Variants in IL1RAPL2 observed in about 807,000 individuals in gnomAD.
IL1RAPL2 encodes the protein interleukin 1 receptor accessory protein like 2, also known as X-linked interleukin-1 receptor accessory protein-like 2.
IL1RAPL2 carries 3 observed loss-of-function variants against 44.1 expected under a neutral mutation model. The ratio of observed to expected loss-of-function variants is 0.07; its 90% CI spans 0.03 to 0.18. The LOEUF (loss-of-function observed/expected upper bound fraction) is 0.18, where lower values mean the gene tolerates loss of function less well. IL1RAPL2 is among the 10% of genes least tolerant of loss of function. IL1RAPL2 has a pLI of 1.00. For synonymous variants in IL1RAPL2, 181 were observed against 178.8 expected, an observed-to-expected ratio of 1.01 and a Z score of -0.10; for missense variants, 391 against 496.4, an observed-to-expected ratio of 0.79 and a Z score of 2.02.
chrX:104,846,341 C>A (rs916585959), intron 2 of IL1RAPL2, among the ~76,000 whole-genome samples: 1 of 109,703 alleles, frequency 9.1e-6, no homozygotes, highest in African/African-American at 3.3e-5. Flanking sequence ...TGCTATCCCT[C>A]CCCCCTCTCC....
intron 6 of IL1RAPL2, among the ~76,000 whole-genome samples, chrX:105,609,049 A>C (rs1312480066): frequency 9.0e-6 from 1 of 111,454 alleles, no homozygotes; most frequent in East Asian, 2.8e-4. Flanking sequence ...CTTGTGCCAT[A>C]ATCTCTTTGT....
chrX:105,748,151 T>C (rs1248304963), intron 8 of IL1RAPL2, among the ~76,000 whole-genome samples: 1 of 111,647 alleles, frequency 9.0e-6, no homozygotes, highest in African/African-American at 3.3e-5. Flanking sequence ...ACTGATTAAC[T>C]ACAGGTTAAG....
chrX:105,249,480 T>G (rs2034251398), intron 4 of IL1RAPL2, among the ~76,000 whole-genome samples: 1 of 111,657 alleles, frequency 9.0e-6, no homozygotes, highest in African/African-American at 3.2e-5. Flanking sequence ...TTTTCCATTT[T>G]AAAATAAAAA....
At chrX:104,948,670 G>A (rs770986910) in intron 2 of IL1RAPL2, among the ~76,000 whole-genome samples, 1 of 111,378 alleles carries the variant, frequency 9.0e-6, no homozygotes, top group Non-Finnish European at 1.9e-5. Context: ...CATCTATTGA[G>A]ATAATCATGT....
intron 2 of IL1RAPL2, among the ~76,000 whole-genome samples, chrX:105,118,494 T>C (rs1011721834): frequency 2.7e-5 from 3 of 112,313 alleles, no homozygotes; most frequent in African/African-American, 6.5e-5. Context: ...TAGGATTAAA[T>C]TTATTCCAAA....
intron 2 of IL1RAPL2, among the ~76,000 whole-genome samples, chrX:105,087,926 T>C (rs2032498112): frequency 8.9e-6 from 1 of 112,473 alleles, no homozygotes; most frequent in South Asian, 3.7e-4. Context: ...TTGGCACTTC[T>C]GCCTATGTGG....
intron 2 of IL1RAPL2, among the ~76,000 whole-genome samples, chrX:105,078,729 A>G (rs866784995): frequency 0.01 from 3 of 288 alleles, no homozygotes; most frequent in Non-Finnish European, 0.02. Context: ...AGCCTGAGCA[A>G]TGCGGTCGCC....
intron 2 of IL1RAPL2, among the ~76,000 whole-genome samples, chrX:104,720,203 A>T (rs1931650249): frequency 9.0e-6 from 1 of 111,566 alleles, no homozygotes; most frequent in Non-Finnish European, 1.9e-5. Flanking sequence ...TACCATAGGC[A>T]TATCTGTCAC....
intron 2 of IL1RAPL2, among the ~76,000 whole-genome samples, chrX:104,977,705 A>G (rs2030364517): frequency 8.9e-6 from 1 of 112,176 alleles, no homozygotes; most frequent in African/African-American, 3.2e-5. Context: ...GTGGTGTTAG[A>G]CAACAACTTT....
At chrX:105,306,313 A>G (rs1262128905) in intron 5 of IL1RAPL2, among the ~76,000 whole-genome samples, 1 of 111,489 alleles carries the variant, frequency 9.0e-6, no homozygotes, top group Non-Finnish European at 1.9e-5. Flanking sequence ...TTCCCAAGAA[A>G]AGGAGAGTAT....
At chrX:105,748,880 A>G in intron 8 of IL1RAPL2, 80 bp from the exon 9 acceptor site, 3 of 1,001,080 alleles carry the variant, frequency 3.0e-6, no homozygotes, top group Admixed American at 2.4e-5. Context: ...ATGTTAGTAC[A>G]TCTTATATAC....
intron 2 of IL1RAPL2, among the ~76,000 whole-genome samples, chrX:104,713,878 G>A (rs865958020): frequency 3.6e-5 from 4 of 110,787 alleles, no homozygotes; most frequent in African/African-American, 1.3e-4. Flanking sequence ...TAATTACCTG[G>A]CTTTGCCTAA....
At chrX:104,831,568 T>G (rs1921607832) in intron 2 of IL1RAPL2, among the ~76,000 whole-genome samples, 1 of 111,947 alleles carries the variant, frequency 8.9e-6, no homozygotes, top group Admixed American at 9.5e-5. Flanking sequence ...CCTATGAGTT[T>G]CAGCATTATA....
At chrX:104,826,456 G>A (rs1393866995) in intron 2 of IL1RAPL2, among the ~76,000 whole-genome samples, 1 of 111,816 alleles carries the variant, frequency 8.9e-6, no homozygotes. Flanking sequence ...GTTCTAATTT[G>A]ATTGCACTGT....
At chrX:105,260,520 C>T (rs930791797) in intron 4 of IL1RAPL2, among the ~76,000 whole-genome samples, 2 of 111,969 alleles carry the variant, frequency 1.8e-5, no homozygotes, top group Non-Finnish European at 3.8e-5. Context: ...ATGGCTAGGT[C>T]ACCCAAACAG....
intron 2 of IL1RAPL2, among the ~76,000 whole-genome samples, chrX:104,957,199 G>A (rs2029918547): frequency 2.7e-5 from 3 of 112,558 alleles, no homozygotes; most frequent in African/African-American, 9.7e-5. Flanking sequence ...CTGAAATGGT[G>A]TATGCTAAAG....
intron 5 of IL1RAPL2, among the ~76,000 whole-genome samples, chrX:105,450,010 G>A (rs1247068460): frequency 8.9e-6 from 1 of 111,893 alleles, no homozygotes; most frequent in Non-Finnish European, 1.9e-5. Context: ...GGCATGTCCA[G>A]AGATGCTATT....
intron 8 of IL1RAPL2, among the ~76,000 whole-genome samples, chrX:105,747,448 T>TTCTCTCTCTCTCTC (rs746410456): frequency 1.2e-5 from 1 of 84,654 alleles, no homozygotes; most frequent in Non-Finnish European, 2.3e-5. Flanking sequence ...TGATTGGCTG[T>TTCTCTCTCTCTCTC]TCTCTCTCTC....
chrX:105,708,573 C>A (rs2038183521), intron 6 of IL1RAPL2, among the ~76,000 whole-genome samples: 1 of 111,537 alleles, frequency 9.0e-6, no homozygotes, highest in Admixed American at 9.5e-5. Flanking sequence ...AAAAAGATTT[C>A]TGTTTCCAAT....
Sources: allele counts gnomAD v4.1 joint callset (sites outside exome capture counted in the v4.1 genomes callset), GRCh38; gene constraint gnomAD v4.1.1; transcripts MANE v1.5; gene names NCBI Gene and HGNC (gene_info 2026-07-23, HGNC 2026-07-21).